The following FANK1 variants were observed in gnomAD, a reference collection of about 807,000 sequenced individuals.
FANK1 encodes the protein fibronectin type III and ankyrin repeat domains 1.
A neutral mutation model predicts 45.3 loss-of-function variants in FANK1; 44 were observed. That is an observed-to-expected ratio of 0.97 (90% CI 0.76 to 1.25). The LOEUF is 1.25. Among genes scored for constraint, FANK1 ranks in the 50% most tolerant of loss-of-function variants. FANK1 has a pLI of 0.00. For synonymous variants in FANK1, 149 were observed against 152.5 expected, an observed-to-expected ratio of 0.98 and a Z score of 0.17; for missense variants, 391 against 424.4, an observed-to-expected ratio of 0.92 and a Z score of 0.69.
intron 1 of FANK1, among the ~76,000 whole-genome samples, chr10:125,946,399 A>G (rs1445678283): frequency 6.6e-6 from 1 of 150,846 alleles, no homozygotes; most frequent in Non-Finnish European, 1.5e-5. Flanking sequence ...TAACCAATAC[A>G]GAGAAGTGCT....
At chr10:125,899,421 A>G (rs1377546411) in intron 1 of FANK1, among the ~76,000 whole-genome samples, 10 of 151,914 alleles carry the variant, frequency 6.6e-5, no homozygotes, top group East Asian at 3.9e-4. Context: ...TTGTTGCCCA[A>G]TTTGTTCTCG....
intron 6 of FANK1, among the ~76,000 whole-genome samples, chr10:126,002,581 A>T (rs1183188285): frequency 1.3e-5 from 2 of 152,114 alleles, no homozygotes; most frequent in Non-Finnish European, 2.9e-5. Flanking sequence ...TGGGGGCTGG[A>T]TATTCCAGTT....
chr10:125,950,443 A>G (rs1467391327), intron 1 of FANK1, among the ~76,000 whole-genome samples: 4 of 151,448 alleles, frequency 2.6e-5, no homozygotes, highest in African/African-American at 4.9e-5. Flanking sequence ...AACCCCATCA[A>G]AAAGTGGGCG....
chr10:125,946,576 T>C (rs1477287743), intron 1 of FANK1, among the ~76,000 whole-genome samples: 11 of 151,264 alleles, frequency 7.3e-5, no homozygotes, highest in South Asian at 2.1e-4. Flanking sequence ...TAAAAATAAA[T>C]GAGCAAAGCC....
intron 2 of FANK1, chr10:125,980,815 G>T (rs11818112): frequency 0.4 from 61,071 of 153,952 alleles, 12,290 homozygotes; most frequent in South Asian, 0.46. Flanking sequence ...TCGTTGCTGT[G>T]GTCTTGAATA....
At chr10:125,918,406 A>G (rs1263177880) in intron 1 of FANK1, among the ~76,000 whole-genome samples, 1 of 152,054 alleles carries the variant, frequency 6.6e-6, no homozygotes, top group Non-Finnish European at 1.5e-5. Context: ...AAATACAAAA[A>G]TTCGCTAGGT....
At chr10:125,912,901 T>C (rs112668054) in intron 1 of FANK1, among the ~76,000 whole-genome samples, 2,753 of 152,338 alleles carry the variant, frequency 0.018, 84 homozygotes, top group African/African-American at 0.062. Context: ...TCCCAAAGTG[T>C]TGGGATTACA....
intron 6 of FANK1, among the ~76,000 whole-genome samples, chr10:126,000,509 T>C (rs1352139506): frequency 1.3e-5 from 2 of 152,136 alleles, no homozygotes; most frequent in East Asian, 1.9e-4. Flanking sequence ...ATTGGAAAAA[T>C]AGGATGTTTG....
intron 1 of FANK1, among the ~76,000 whole-genome samples, chr10:125,953,595 G>A (rs562654834): frequency 5.9e-5 from 9 of 152,338 alleles, no homozygotes; most frequent in African/African-American, 2.2e-4. Context: ...CCTACAAAGT[G>A]AGCAGCTTGT....
At chr10:126,000,727 C>G (rs1038111518) in intron 6 of FANK1, among the ~76,000 whole-genome samples, 1 of 152,050 alleles carries the variant, frequency 6.6e-6, no homozygotes, top group African/African-American at 2.4e-5. Flanking sequence ...TTTTTAAAAA[C>G]TTAATTACAA....
intron 1 of FANK1, among the ~76,000 whole-genome samples, chr10:125,942,422 G>T (rs61653299): frequency 0.017 from 2,528 of 152,282 alleles, 80 homozygotes; most frequent in African/African-American, 0.057. Context: ...AATTCTCCCT[G>T]ACTTCATAGG....
chr10:125,933,543 T>C (rs1947886480), intron 1 of FANK1, among the ~76,000 whole-genome samples: 1 of 152,156 alleles, frequency 6.6e-6, no homozygotes, highest in Admixed American at 6.5e-5. Flanking sequence ...TTAATCTTGC[T>C]AATGGTCTAT....
intron 1 of FANK1, among the ~76,000 whole-genome samples, chr10:125,955,030 G>C (rs11244719): frequency 6.6e-6 from 1 of 151,736 alleles, no homozygotes; most frequent in Non-Finnish European, 1.5e-5. Context: ...AGCAGCAATC[G>C]CTTTAGCATT....
intron 1 of FANK1, among the ~76,000 whole-genome samples, chr10:125,954,575 A>G (rs928500333): frequency 7.4e-6 from 1 of 135,614 alleles, no homozygotes; most frequent in African/African-American, 2.6e-5. Context: ...TCAATAGTTC[A>G]TGGATTTTTT....
chr10:125,917,324 TTC>T (rs1946528216), intron 1 of FANK1, among the ~76,000 whole-genome samples: 2 of 152,242 alleles, frequency 1.3e-5, no homozygotes, highest in African/African-American at 2.4e-5. Flanking sequence ...GGTTTTTCTA[TTC>T]TGTTTCCTTG....
Position 126,008,193 on chromosome 10 carries a change from A to G in FANK1, c.706-214A>G, listed in dbSNP as rs999116652. Among the ~76,000 whole-genome samples, 125 of 152,090 alleles carry G rather than the reference A, an allele frequency of 8.2e-4. 1 individual carries two copies. Among genetic ancestry groups the G allele is most frequent in the African/African-American group, 2.8e-3 (118 of 41,416 alleles). ...AACTTTTCTAGCCCATCTTTTTTCC[A>G]CTTTAAAGGATGTAGATGAAGAAGC... On this transcript the variant is annotated intron_variant, in intron 7 of 10. Coordinates refer to ENST00000368693, the MANE Select transcript of FANK1 (RefSeq NM_145235.5).
intron 1 of FANK1, among the ~76,000 whole-genome samples, chr10:125,908,071 A>T (rs1448132871): frequency 7.0e-6 from 1 of 143,516 alleles, no homozygotes; most frequent in African/African-American, 2.6e-5. Flanking sequence ...CTCTCGGCTC[A>T]CTACAACCTC....
intron 1 of FANK1, among the ~76,000 whole-genome samples, chr10:125,935,433 G>C (rs1253436901): frequency 6.6e-6 from 1 of 152,166 alleles, no homozygotes; most frequent in Non-Finnish European, 1.5e-5. Context: ...CTAGTTGCCA[G>C]GTGGTATAAG....
intron 1 of FANK1, among the ~76,000 whole-genome samples, chr10:125,929,249 G>A (rs1394307896): frequency 6.6e-6 from 1 of 152,196 alleles, no homozygotes; most frequent in African/African-American, 2.4e-5. Flanking sequence ...GAACTGCACT[G>A]GGAACAAAGG....
Sources: gnomAD v4.1 joint callset for allele counts (sites outside exome capture counted in the v4.1 genomes callset) on GRCh38, gnomAD v4.1.1 for gene constraint, MANE v1.5 for transcripts, NCBI Gene and HGNC (gene_info 2026-07-23, HGNC 2026-07-21) for gene names.